The following WWC1 variants were observed in gnomAD, a reference collection of about 807,000 sequenced individuals.
WWC1 encodes WW and C2 domain containing 1.
A neutral mutation model predicts 138.4 loss-of-function variants in WWC1; 55 were observed. The ratio of observed to expected loss-of-function variants is 0.40; its 90% CI spans 0.32 to 0.50. WWC1 has a LOEUF of 0.50. WWC1 is among the 20% of genes least tolerant of loss of function. The pLI is 0.72. For missense variants in WWC1, 1,226 were observed against 1,420.4 expected (o/e 0.86, Z 2.20); for synonymous variants, 524 against 564.9 (o/e 0.93, Z 1.03).
intron 3 of WWC1, among the ~76,000 whole-genome samples, chr5:168,389,694 G>A (rs1273799553): frequency 2.8e-5 from 4 of 145,278 alleles, no homozygotes; most frequent in Non-Finnish European, 4.5e-5. Flanking sequence ...ATTCTCTACC[G>A]ACTGAACCAG....
intron 1 of WWC1, among the ~76,000 whole-genome samples, chr5:168,313,337 T>C (rs1276928447): frequency 6.6e-6 from 1 of 151,856 alleles, no homozygotes; most frequent in Non-Finnish European, 1.5e-5. Flanking sequence ...ATGCCTGTAG[T>C]CCCAGAACTT....
rs750311017 is a variant in WWC1, at chr5:168,292,159, C to G, written c.7C>G (p.Arg3Gly). Residue 3 changes from arginine to glycine, a missense_variant, in exon 1 of 23, where the codon CGG becomes GGG. Around this residue, in one of 3 missense-constraint regions of WWC1, gnomAD observed 1,016 missense variants for 1,153.9 expected, o/e 0.88. Transcript: ENST00000265293. The surrounding 1 kb of genome is among the most constrained non-coding windows in gnomAD (Gnocchi z 4.4). MP[R>G]PELPLPEGWE... ...GCCGGCAGCGCTTGGGAAGATGCCCCGGCCGGAGCTGCCCCTGCCGGAGGG... is the reference window on the plus strand; with the variant it reads ...GCCGGCAGCGCTTGGGAAGATGCCCGGGCCGGAGCTGCCCCTGCCGGAGGG... The G allele has an allele frequency of 2.6e-6, 4 of 1,539,962 alleles. No homozygotes were observed. The highest frequency in any genetic ancestry group is 1.2e-5 in the South Asian group (1 of 82,358).
At chr5:168,370,813 A>G (rs1204248030) in intron 1 of WWC1, among the ~76,000 whole-genome samples, 5 of 152,220 alleles carry the variant, frequency 3.3e-5, no homozygotes, top group African/African-American at 1.2e-4. Context: ...TTGCTAAAAG[A>G]TCAGTTTGGC....
intron 1 of WWC1, among the ~76,000 whole-genome samples, chr5:168,320,328 C>A (rs1341002049): frequency 2.6e-5 from 4 of 152,184 alleles, no homozygotes; most frequent in Non-Finnish European, 5.9e-5. Flanking sequence ...AACCACTGAA[C>A]CTGGCCCATA....
At chr5:168,444,389 C>T in intron 16 of WWC1, 105 bp from the exon 17 acceptor site, 1 of 1,163,888 alleles carries the variant, frequency 8.6e-7, no homozygotes, top group South Asian at 1.7e-5. Flanking sequence ...TTTGGTTTCA[C>T]CATCAATTCA....
intron 16 of WWC1, among the ~76,000 whole-genome samples, chr5:168,442,450 A>AAC (rs1365266910): frequency 6.6e-6 from 1 of 151,142 alleles, no homozygotes; most frequent in African/African-American, 2.4e-5. Flanking sequence ...AAAAAAAAAA[A>AAC]AAAAAAATTT....
intron 1 of WWC1, among the ~76,000 whole-genome samples, chr5:168,317,995 A>C (rs182647478): frequency 6.6e-6 from 1 of 152,310 alleles, no homozygotes; most frequent in African/African-American, 2.4e-5. Flanking sequence ...TGCACAATTC[A>C]GCTTCTATTG....
intron 9 of WWC1, among the ~76,000 whole-genome samples, chr5:168,420,650 G>A (rs757349501): frequency 2.0e-5 from 3 of 151,314 alleles, no homozygotes; most frequent in Admixed American, 2.0e-4. Flanking sequence ...CTCTTCCCCC[G>A]GGATCCTCTG....
At chr5:168,377,027 A>T (rs538682670) in intron 2 of WWC1, among the ~76,000 whole-genome samples, 1 of 152,340 alleles carries the variant, frequency 6.6e-6, no homozygotes, top group African/African-American at 2.4e-5. Context: ...CCAACTTCAA[A>T]CTATACTATA....
intron 1 of WWC1, among the ~76,000 whole-genome samples, chr5:168,355,419 G>T (rs536467085): frequency 1.3e-5 from 2 of 150,834 alleles, no homozygotes; most frequent in Non-Finnish European, 2.9e-5. Context: ...TCTTGAACCC[G>T]GGAGGTAAAG....
chr5:168,336,423 T>C (rs1310844571), intron 1 of WWC1, among the ~76,000 whole-genome samples: 1 of 151,784 alleles, frequency 6.6e-6, no homozygotes, highest in Non-Finnish European at 1.5e-5. Flanking sequence ...ATACAAAAAA[T>C]TAGCTGGGCA....
intron 1 of WWC1, among the ~76,000 whole-genome samples, chr5:168,316,155 C>T (rs997657596): frequency 1.3e-5 from 2 of 152,098 alleles, no homozygotes; most frequent in African/African-American, 2.4e-5. Flanking sequence ...TCAGAATTTG[C>T]GACCACGATT....
chr5:168,304,978 A>C (rs1231971823), intron 1 of WWC1, among the ~76,000 whole-genome samples: 1 of 151,990 alleles, frequency 6.6e-6, no homozygotes, highest in Admixed American at 6.6e-5. Context: ...GGCATGTGCC[A>C]CCATGCCCAG....
intron 1 of WWC1, among the ~76,000 whole-genome samples, chr5:168,321,655 A>G (rs1051590229): frequency 6.6e-6 from 1 of 150,742 alleles, no homozygotes; most frequent in African/African-American, 2.4e-5. Context: ...CTCCTGCCTC[A>G]GCCTCCCGAG....
At chr5:168,382,013 G>A (rs1316628250) in intron 2 of WWC1, among the ~76,000 whole-genome samples, 1 of 152,012 alleles carries the variant, frequency 6.6e-6, no homozygotes, top group Non-Finnish European at 1.5e-5. Context: ...CTATCCCACA[G>A]AATTAATAGC....
In WWC1 at chr5:168,317,034, G is replaced by A. The variant is rs754836493; in HGVS notation, c.119+24763G>A. On this transcript the variant is annotated intron_variant, in intron 1 of 22. Transcript: ENST00000265293. ...GTTAGATGCTGTGGAAACCTCACCC[G>A]GCAGTAGTGATAGCTGCCACGTACT... Among the ~76,000 whole-genome samples, 16 of 152,262 alleles carry A rather than the reference G, an allele frequency of 1.1e-4. 1 individual carries two copies. Among genetic ancestry groups the A allele is most frequent in the Middle Eastern group, 6.8e-3 (2 of 294 alleles).
chr5:168,396,841 T>C (rs888731422), intron 3 of WWC1, among the ~76,000 whole-genome samples: 1 of 152,178 alleles, frequency 6.6e-6, no homozygotes, highest in African/African-American at 2.4e-5. Context: ...ACCGTGGATA[T>C]ATACTGGAAG....
At chr5:168,420,692 T>C (rs1362429910) in intron 9 of WWC1, among the ~76,000 whole-genome samples, 1 of 152,178 alleles carries the variant, frequency 6.6e-6, no homozygotes, top group Non-Finnish European at 1.5e-5. Flanking sequence ...AGATGCCATC[T>C]GCAGGGCCAC....
chr5:168,457,362 C>G (rs1486300260), intron 19 of WWC1, among the ~76,000 whole-genome samples: 2 of 152,108 alleles, frequency 1.3e-5, no homozygotes, highest in African/African-American at 4.8e-5. Context: ...CAATTTAACC[C>G]TTTGTTTTGC....
Sources: allele counts gnomAD v4.1 joint callset (sites outside exome capture counted in the v4.1 genomes callset), GRCh38; gene constraint gnomAD v4.1.1; regional missense constraint gnomAD v4.1.1; non-coding constraint Gnocchi (gnomAD v3.1); transcripts MANE v1.5; gene names NCBI Gene and HGNC (gene_info 2026-07-23, HGNC 2026-07-21).